The following USP25 variants were observed in gnomAD, a reference collection of about 807,000 sequenced individuals.
USP25 encodes ubiquitin specific peptidase 25, also known as ubiquitin carboxyl-terminal hydrolase 25.
USP25 carries 85 observed loss-of-function variants against 158.5 expected under a neutral mutation model. The ratio of observed to expected loss-of-function variants is 0.54; its 90% confidence interval spans 0.45 to 0.64. The LOEUF is 0.64. Ranked by LOEUF, USP25 falls within the 30% of genes least tolerant of loss-of-function variation. USP25 has a pLI of 0.00. For synonymous variants in USP25, 464 were observed against 460.4 expected, an observed-to-expected ratio of 1.01 and a Z score of -0.10; for missense variants, 1,242 against 1,327.3, an observed-to-expected ratio of 0.94 and a Z score of 1.00.
chr21:15,767,991 C>T (rs2034140386), intron 3 of USP25, among the ~76,000 whole-genome samples: 1 of 151,968 alleles, frequency 6.6e-6, no homozygotes, highest in Admixed American at 6.6e-5. Flanking sequence ...AATAGGTTCC[C>T]TTAGGGAGAA....
At chr21:15,749,466 G>A (rs2032823447) in intron 1 of USP25, among the ~76,000 whole-genome samples, 3 of 152,184 alleles carry the variant, frequency 2.0e-5, no homozygotes, top group Non-Finnish European at 4.4e-5. Context: ...TCAAGTATGT[G>A]TATTGAAAAT....
intron 17 of USP25, among the ~76,000 whole-genome samples, chr21:15,840,863 G>A (rs928093255): frequency 6.6e-6 from 1 of 152,144 alleles, no homozygotes; most frequent in Non-Finnish European, 1.5e-5. Context: ...GTGAAGAGAG[G>A]AAGAGTGCCA....
At chr21:15,781,542 G>A (rs1158540561) in intron 4 of USP25, among the ~76,000 whole-genome samples, 1 of 152,102 alleles carries the variant, frequency 6.6e-6, no homozygotes, top group Non-Finnish European at 1.5e-5. Context: ...CCAAAACAAC[G>A]AATAAGTTTA....
intron 5 of USP25, among the ~76,000 whole-genome samples, chr21:15,796,839 A>C (rs568149796): frequency 6.6e-6 from 1 of 151,572 alleles, no homozygotes; most frequent in South Asian, 2.1e-4. Context: ...GAAAACTAAC[A>C]CAAAAAAATG....
intron 1 of USP25, among the ~76,000 whole-genome samples, chr21:15,751,747 A>G: frequency 6.6e-6 from 1 of 152,250 alleles, no homozygotes; most frequent in Admixed American, 6.5e-5. Flanking sequence ...AACTGAAAAT[A>G]CATGTTCCCA....
intron 19 of USP25, among the ~76,000 whole-genome samples, chr21:15,849,086 G>A (rs921762333): frequency 6.6e-6 from 1 of 152,046 alleles, no homozygotes; most frequent in African/African-American, 2.4e-5. Context: ...ATGGGAACTG[G>A]CATGTTTTTA....
intron 17 of USP25, among the ~76,000 whole-genome samples, chr21:15,833,833 C>T (rs894307649): frequency 6.6e-6 from 1 of 152,098 alleles, no homozygotes; most frequent in Non-Finnish European, 1.5e-5. Context: ...TGGCAAGTAG[C>T]AGAGAAAGCT....
At chr21:15,765,785 T>C (rs1323552353) in intron 2 of USP25, among the ~76,000 whole-genome samples, 1 of 152,080 alleles carries the variant, frequency 6.6e-6, no homozygotes, top group Non-Finnish European at 1.5e-5. Context: ...TTTTACATTG[T>C]ATCAGTAGTT....
Position 15,843,091 on chromosome 21 carries a change from A to T in USP25, c.2337+551A>T, listed in dbSNP as rs923279488. ...GAACGTCCTGTGCAAAAACGTCATT[A>T]GGCTACTCTATTGTAGTTTTCAACT... On this transcript the variant is annotated intron_variant, in intron 18 of 25. Coordinates refer to ENST00000400183, the MANE Select transcript of USP25 (RefSeq NM_001283041.3). The surrounding 1 kb of genome is among the most constrained non-coding windows in gnomAD (Gnocchi z 4.0). Among the ~76,000 whole-genome samples the T allele has an allele frequency of 1.3e-4, 20 of 152,182 alleles. No homozygotes were observed. The highest frequency in any genetic ancestry group is 1.0e-4 in the Non-Finnish European group (7 of 68,040).
chr21:15,782,469 A>G lies in USP25; in HGVS notation c.392+4442A>G, dbSNP rs548850416. Among the ~76,000 whole-genome samples the G allele has an allele frequency of 9.0e-4, 137 of 152,292 alleles. 2 individuals carry two copies. Among genetic ancestry groups the G allele is most frequent in the Admixed American group, 7.2e-3 (110 of 15,302 alleles). On this transcript the variant is annotated intron_variant, in intron 4 of 25. Transcript: ENST00000400183. The stretch of plus-strand genomic sequence containing the variant: ...CCACCCCTGGCCTGATAGCCAGCCC[A>G]GCAGTAACCCTGCTGCCATTCAGGA...
At position 15,740,641 on chromosome 21, in the gene USP25, G is replaced by GTTTTTTTTTTTTTTTTTTTTTTTTTTT. The variant is rs60616271; in HGVS notation, c.45+10210_45+10236dup. Among the ~76,000 whole-genome samples, 3 of 41,242 alleles carry GTTTTTTTTTTTTTTTTTTTTTTTTTTT rather than the reference G, an allele frequency of 7.3e-5. 1 individual carries two copies. The highest frequency in any genetic ancestry group is 1.5e-4 in the Non-Finnish European group (2 of 13,450). 27.1% of individuals were successfully genotyped at this position (41,242 alleles called of 152,430 possible). A position where few individuals can be genotyped will look rare whatever the true frequency, so the allele number is the denominator to read the frequency against. On this transcript the variant is annotated intron_variant, in intron 1 of 25. Coordinates refer to ENST00000400183, the MANE Select transcript of USP25 (RefSeq NM_001283041.3). ...GTAATCTTCCTGTTTCTTTCTGGCTGTTTTTTTTTTTTTTTTTTTTTTTTT... is the reference window on the plus strand; with the variant it reads ...GTAATCTTCCTGTTTCTTTCTGGCTGTTTTTTTTTTTTTTTTTTTTTTTTTTTTTTTTTTTTTTTTTTTTTTTTTTTT...
At chr21:15,813,584 T>G (rs368035954) in intron 9 of USP25, among the ~76,000 whole-genome samples, 2 of 152,174 alleles carry the variant, frequency 1.3e-5, no homozygotes, top group Non-Finnish European at 2.9e-5. Flanking sequence ...ACTCAGACCT[T>G]ACTTCATTCG....
At chr21:15,763,532 A>G (rs772014384) in intron 2 of USP25, among the ~76,000 whole-genome samples, 3 of 152,184 alleles carry the variant, frequency 2.0e-5, no homozygotes, top group Non-Finnish European at 2.9e-5. Flanking sequence ...ATCGACATCC[A>G]AATGAGTCAT....
intron 6 of USP25, among the ~76,000 whole-genome samples, chr21:15,801,182 A>G (rs1292511515): frequency 1.3e-5 from 2 of 151,610 alleles, no homozygotes; most frequent in African/African-American, 4.8e-5. Flanking sequence ...CATCTTGACC[A>G]TTTATGGTCC....
rs200689344 is a variant in USP25, at chr21:15,737,832, C to CT, written c.45+7406dup. ...GACCAGAAGTGTTTTGGATTTTGGA[C>CT]TTTTTTTTTTTTCCCTTCAGATTTT... On this transcript the variant is annotated intron_variant, in intron 1 of 25. Coordinates refer to ENST00000400183, the MANE Select transcript of USP25 (RefSeq NM_001283041.3). Among the ~76,000 whole-genome samples, 69 of 141,522 alleles carry CT rather than the reference C, an allele frequency of 4.9e-4. No individual in the cohort carries two copies. In the East Asian group the frequency reaches 5.1e-3, roughly 10 times the overall value. 92.8% of individuals were successfully genotyped at this position (141,522 alleles called of 152,430 possible). A position where few individuals can be genotyped will look rare whatever the true frequency, so the allele number is the denominator to read the frequency against.
At position 15,818,765 on chromosome 21, in the gene USP25, G is replaced by A. The variant is rs760171452; in HGVS notation, c.999G>A (p.Leu333=). The change falls in exon 10 of 26, where the codon CTG becomes CTA. Residue 333 remains leucine, a synonymous_variant. Transcript: ENST00000400183. The stretch of plus-strand genomic sequence containing the variant: ...TTCAGGTCAATGGGTTCAAAGATCT[G>A]CATGAGTGCCTAGAAGCTGCAATGA... ...YPLQVNGFKD[L]HECLEAAMIE... The A allele has an allele frequency of 6.2e-7, 1 of 1,613,896 alleles. No homozygotes were observed. The highest frequency in any genetic ancestry group is 1.3e-5 in the African/African-American group (1 of 75,050).
chr21:15,744,192 C>T (rs2123247416), intron 1 of USP25: 1 of 152,720 alleles, frequency 6.5e-6, no homozygotes, highest in African/African-American at 2.4e-5. Context: ...ATCAGAGCCA[C>T]TCCCTCAGGT....
At chr21:15,813,652 T>G (rs113519073) in intron 9 of USP25, among the ~76,000 whole-genome samples, 171 of 152,332 alleles carry the variant, frequency 1.1e-3, no homozygotes, top group Non-Finnish European at 2.1e-3. Context: ...ATTTACACAT[T>G]GTCTGGTATC....
chr21:15,831,655 T>C (rs2146391353), intron 16 of USP25, 26 bp downstream of exon 16: 1 of 1,587,632 alleles, frequency 6.3e-7, no homozygotes. Flanking sequence ...GTGGTGTGTA[T>C]TTTTAAATAG....
Sources: allele counts gnomAD v4.1 joint callset (sites outside exome capture counted in the v4.1 genomes callset), GRCh38; gene constraint gnomAD v4.1.1; non-coding constraint Gnocchi (gnomAD v3.1); transcripts MANE v1.5; gene names NCBI Gene and HGNC (gene_info 2026-07-23, HGNC 2026-07-21).